The following MACROD2 variants were observed in gnomAD, a reference collection of about 807,000 sequenced individuals.
MACROD2 encodes mono-ADP ribosylhydrolase 2.
Under a neutral mutation model 70.4 loss-of-function variants are expected in MACROD2, and 36 were observed. The ratio of observed to expected loss-of-function variants is 0.51; its 90% CI spans 0.39 to 0.68. The LOEUF (loss-of-function observed/expected upper bound fraction) is 0.68. MACROD2 is among the 30% of genes least tolerant of loss of function. The pLI, the probability that MACROD2 is intolerant of heterozygous loss-of-function variation, is 0.00. For missense variants in MACROD2, 496 were observed against 538.4 expected (o/e 0.92, Z 0.78); for synonymous variants, 172 against 178.8 (o/e 0.96, Z 0.30).
At chr20:14,634,273 C>T (rs1016193133) in intron 4 of MACROD2, among the ~76,000 whole-genome samples, 2 of 152,234 alleles carry the variant, frequency 1.3e-5, no homozygotes, top group African/African-American at 4.8e-5. Context: ...AGCTTGTCAT[C>T]CCTTTGGAGG....
chr20:14,702,698 T>TACAC (rs1310304430), intron 5 of MACROD2, among the ~76,000 whole-genome samples: 1 of 140,120 alleles, frequency 7.1e-6, no homozygotes, highest in Non-Finnish European at 1.5e-5. Context: ...TATATATATG[T>TACAC]ATATATATGT....
chr20:14,399,724 G>A (rs190794176), intron 3 of MACROD2, among the ~76,000 whole-genome samples: 1 of 152,060 alleles, frequency 6.6e-6, no homozygotes, highest in East Asian at 1.9e-4. Flanking sequence ...GTTTAAAATT[G>A]TCTTACAGCT....
chr20:14,065,764 A>G (rs1010271047), intron 2 of MACROD2, among the ~76,000 whole-genome samples: 1 of 152,260 alleles, frequency 6.6e-6, no homozygotes, highest in Non-Finnish European at 1.5e-5. Flanking sequence ...TCAAATCGGC[A>G]TAATGTTTCC....
chr20:15,384,763 G>A (rs763233928), intron 6 of MACROD2, among the ~76,000 whole-genome samples: 3 of 152,088 alleles, frequency 2.0e-5, no homozygotes, highest in Non-Finnish European at 4.4e-5. Context: ...ATTTTGGCTT[G>A]TATGTGTGTC....
At chr20:15,216,743 C>T (rs2076813905) in intron 5 of MACROD2, among the ~76,000 whole-genome samples, 2 of 152,066 alleles carry the variant, frequency 1.3e-5, no homozygotes, top group Non-Finnish European at 2.9e-5. Flanking sequence ...GGATTATTTT[C>T]CTCACTCATC....
intron 6 of MACROD2, among the ~76,000 whole-genome samples, chr20:15,349,194 A>G (rs1010630832): frequency 6.6e-6 from 1 of 151,980 alleles, no homozygotes; most frequent in African/African-American, 2.4e-5. Context: ...GTTCGTGTCA[A>G]CTCTTTCAAA....
intron 3 of MACROD2, among the ~76,000 whole-genome samples, chr20:14,340,693 A>G (rs574531658): frequency 9.2e-5 from 14 of 152,154 alleles, no homozygotes; most frequent in African/African-American, 3.1e-4. Flanking sequence ...GCTGTTTTGC[A>G]TTTTGTTCTG....
chr20:14,821,910 C>G (rs1373817708), intron 5 of MACROD2, among the ~76,000 whole-genome samples: 1 of 152,054 alleles, frequency 6.6e-6, no homozygotes, highest in African/African-American at 2.4e-5. Context: ...GCTGCCTGAT[C>G]TTATAGGTGC....
At chr20:14,605,091 A>T (rs971274621) in intron 4 of MACROD2, among the ~76,000 whole-genome samples, 2 of 152,204 alleles carry the variant, frequency 1.3e-5, no homozygotes, top group Non-Finnish European at 2.9e-5. Context: ...AGGTAGAAAG[A>T]TTAAAACCTA....
At chr20:16,011,287 CAG>C (rs2147527083) in intron 15 of MACROD2, among the ~76,000 whole-genome samples, 1 of 152,332 alleles carries the variant, frequency 6.6e-6, no homozygotes, top group South Asian at 2.1e-4. Flanking sequence ...TGCACATGGT[CAG>C]AGTCTGTGAG....
rs574185506 is a variant in MACROD2, at chr20:15,289,124, A to G, written c.540+59063A>G. Among the ~76,000 whole-genome samples, 4 of 152,286 alleles carry G rather than the reference A, an allele frequency of 2.6e-5. No homozygotes were observed. The South Asian group carries it at 8.3e-4, about 32-fold the overall frequency. ...CACCCATGGGATGGATGCTAATCAC[A>G]TGGTCTTAAAAGAATTAATATGAAG... is the stretch of plus-strand genomic sequence containing the variant. On this transcript the variant is annotated intron_variant, in intron 6 of 17. Transcript: ENST00000684519.
At chr20:15,784,259 G>C (rs1568559242) in intron 8 of MACROD2, among the ~76,000 whole-genome samples, 1 of 152,102 alleles carries the variant, frequency 6.6e-6, no homozygotes, top group Non-Finnish European at 1.5e-5. Flanking sequence ...TAACAGTAAG[G>C]TGTGTTGTAA....
intron 5 of MACROD2, among the ~76,000 whole-genome samples, chr20:15,145,623 TAAGAA>T (rs2076224742): frequency 6.6e-6 from 1 of 152,052 alleles, no homozygotes; most frequent in South Asian, 2.1e-4. Context: ...AAATAAAGAC[TAAGAA>T]AAGAAACAAG....
At chr20:14,843,163 C>CTTTTTTTTTTTT (rs11389584) in intron 5 of MACROD2, among the ~76,000 whole-genome samples, 1 of 119,266 alleles carries the variant, frequency 8.4e-6, no homozygotes, top group African/African-American at 3.2e-5. Flanking sequence ...TGTTCATTAA[C>CTTTTTTTTTTTT]TTTTTTTTTT....
chr20:15,840,218 G>A (rs1451174736), intron 8 of MACROD2, among the ~76,000 whole-genome samples: 1 of 152,158 alleles, frequency 6.6e-6, no homozygotes, highest in Non-Finnish European at 1.5e-5. Context: ...AGCAGTTACA[G>A]CATCTATCCA....
chr20:15,213,907 T>A (rs1302085622), intron 5 of MACROD2, among the ~76,000 whole-genome samples: 2 of 152,054 alleles, frequency 1.3e-5, no homozygotes, highest in Non-Finnish European at 2.9e-5. Flanking sequence ...TCTTTTTTTT[T>A]TTATTTTTTG....
At chr20:14,181,094 C>G (rs1212802597) in intron 3 of MACROD2, among the ~76,000 whole-genome samples, 2 of 146,414 alleles carry the variant, frequency 1.4e-5, no homozygotes, top group Non-Finnish European at 3.0e-5. Context: ...TAGACAGGGT[C>G]TCTCTCTCTG....
intron 9 of MACROD2, among the ~76,000 whole-genome samples, chr20:15,885,304 C>T (rs1286690806): frequency 1.3e-5 from 2 of 152,088 alleles, no homozygotes; most frequent in Admixed American, 1.3e-4. Context: ...AGCAAAGCAG[C>T]ACTTTCCATG....
intron 5 of MACROD2, among the ~76,000 whole-genome samples, chr20:14,976,745 CTG>C (rs1442884922): frequency 6.6e-6 from 1 of 152,154 alleles, no homozygotes; most frequent in Non-Finnish European, 1.5e-5. Context: ...CTTCCCAACT[CTG>C]TGGCTTGAGT....
Sources: gnomAD v4.1 joint callset for allele counts (sites outside exome capture counted in the v4.1 genomes callset) on GRCh38, gnomAD v4.1.1 for gene constraint, MANE v1.5 for transcripts, NCBI Gene and HGNC (gene_info 2026-07-23, HGNC 2026-07-21) for gene names.